The following CFAP299 variants were observed in gnomAD, a reference collection of about 807,000 sequenced individuals.
The protein encoded by CFAP299 is cilia and flagella associated protein 299.
A neutral mutation model predicts 27.0 loss-of-function variants in CFAP299; 21 were observed. The ratio of observed to expected loss-of-function variants is 0.78; its 90% CI spans 0.55 to 1.12. The LOEUF (loss-of-function observed/expected upper bound fraction) is 1.12, where lower values mean the gene tolerates loss of function less well. CFAP299 is among the 50% of genes most tolerant of loss of function. The pLI is 0.00. For missense variants in CFAP299, 310 were observed against 276.6 expected (o/e 1.12, Z -0.86); for synonymous variants, 104 against 98.1 (o/e 1.06, Z -0.36).
chr4:80,578,413 T>C (rs1735985566), intron 2 of CFAP299, among the ~76,000 whole-genome samples: 1 of 152,170 alleles, frequency 6.6e-6, no homozygotes, highest in African/African-American at 2.4e-5. Flanking sequence ...TTATGTAACA[T>C]TTTTTTCTCT....
chr4:80,603,247 T>G (rs1469921477), intron 3 of CFAP299, among the ~76,000 whole-genome samples: 3 of 152,182 alleles, frequency 2.0e-5, no homozygotes, highest in African/African-American at 7.2e-5. Context: ...ATAACATATT[T>G]CTTAACAGAA....
chr4:80,362,812 T>A lies in CFAP299; in HGVS notation c.170T>A (p.Val57Glu). The A allele has an allele frequency of 6.2e-7, 1 of 1,611,628 alleles. No homozygotes were observed. The highest frequency in any genetic ancestry group is 8.5e-7 in the Non-Finnish European group (1 of 1,179,354). Residue 57 changes from valine (V) to glutamate (E), a missense_variant, in exon 2 of 6, where the codon GTG (valine) becomes GAG (glutamate). Val to Glu is a moderately radical substitution (Grantham distance 121, BLOSUM62 -2). Transcript: ENST00000358105. ...ELGYRGTGER[V>E]KREDFEARKA... ...GGCTACCGAGGGACTGGAGAGAGAG[T>A]GAAAAGGGAAGATTTTGAAGCAAGG...
At chr4:80,675,872 T>C (rs1399892100) in intron 3 of CFAP299, among the ~76,000 whole-genome samples, 1 of 152,206 alleles carries the variant, frequency 6.6e-6, no homozygotes, top group East Asian at 1.9e-4. Flanking sequence ...TCTCTTCATG[T>C]GTTGTTTGCT....
chr4:80,612,350 C>T (rs1453628761), intron 3 of CFAP299, among the ~76,000 whole-genome samples: 1 of 151,988 alleles, frequency 6.6e-6, no homozygotes, highest in Non-Finnish European at 1.5e-5. Flanking sequence ...AAAATTATCT[C>T]AAAGCACAAT....
intron 2 of CFAP299, among the ~76,000 whole-genome samples, chr4:80,478,038 C>T (rs1730366691): frequency 6.6e-6 from 1 of 152,142 alleles, no homozygotes; most frequent in Non-Finnish European, 1.5e-5. Flanking sequence ...TCCCGCTGTC[C>T]TAAACTCAAA....
chr4:80,867,176 G>A (rs557164223), intron 3 of CFAP299, among the ~76,000 whole-genome samples: 1 of 152,136 alleles, frequency 6.6e-6, no homozygotes, highest in African/African-American at 2.4e-5. Context: ...TGAATTGTAT[G>A]TTTTTCTATG....
chr4:80,815,039 C>G (rs79515596), intron 3 of CFAP299, among the ~76,000 whole-genome samples: 1 of 152,044 alleles, frequency 6.6e-6, no homozygotes, highest in African/African-American at 2.4e-5. Flanking sequence ...CCAAACCTGT[C>G]AAACATTTGG....
At chr4:80,571,591 T>C (rs778068072) in intron 2 of CFAP299, among the ~76,000 whole-genome samples, 1 of 152,142 alleles carries the variant, frequency 6.6e-6, no homozygotes, top group Non-Finnish European at 1.5e-5. Context: ...TGGACTAAAC[T>C]GTACCCATCC....
chr4:80,486,225 G>A (rs997580200), intron 2 of CFAP299, among the ~76,000 whole-genome samples: 2 of 152,082 alleles, frequency 1.3e-5, no homozygotes, highest in Non-Finnish European at 2.9e-5. Context: ...TTTCTGGAAG[G>A]GCACTAAGTG....
In CFAP299 at chr4:80,883,227, A is replaced by G. The variant is rs1177362363; in HGVS notation, c.476+13092A>G. Among the ~76,000 whole-genome samples, 5 of 152,148 alleles carry G rather than the reference A, an allele frequency of 3.3e-5. No homozygotes were observed. In the East Asian group the frequency reaches 7.7e-4, roughly 23 times the overall value. ...TTAAGTTCTTATCATGTGAAAATGG[A>G]CTGTTATAACTAAAGATGGCATATA... On this transcript the variant is annotated intron_variant, in intron 4 of 5. Coordinates refer to ENST00000358105, the MANE Select transcript of CFAP299 (RefSeq NM_152770.3).
At chr4:80,347,250 T>G (rs1722776529) in intron 1 of CFAP299, among the ~76,000 whole-genome samples, 1 of 152,148 alleles carries the variant, frequency 6.6e-6, no homozygotes, top group African/African-American at 2.4e-5. Context: ...CTTTTCCTAT[T>G]TGAATACCCT....
chr4:80,586,803 C>T (rs975409032), intron 3 of CFAP299, among the ~76,000 whole-genome samples: 2 of 152,048 alleles, frequency 1.3e-5, no homozygotes, highest in East Asian at 1.9e-4. Context: ...ACATGCTGTT[C>T]GGGGTGGGAA....
At chr4:80,814,925 AC>A (rs1729347852) in intron 3 of CFAP299, among the ~76,000 whole-genome samples, 1 of 152,026 alleles carries the variant, frequency 6.6e-6, no homozygotes, top group African/African-American at 2.4e-5. Flanking sequence ...AGGGATATAA[AC>A]CCCAAAACAC....
At chr4:80,494,325 C>T (rs1328019388) in intron 2 of CFAP299, among the ~76,000 whole-genome samples, 1 of 152,234 alleles carries the variant, frequency 6.6e-6, no homozygotes, top group East Asian at 1.9e-4. Context: ...TAGACCAACT[C>T]ACTGTCAAAG....
chr4:80,529,046 T>G (rs1294306499), intron 2 of CFAP299, among the ~76,000 whole-genome samples: 1 of 152,162 alleles, frequency 6.6e-6, no homozygotes, highest in Non-Finnish European at 1.5e-5. Context: ...CCTTCAAAAT[T>G]TCTCCATGTC....
intron 2 of CFAP299, among the ~76,000 whole-genome samples, chr4:80,457,096 T>C (rs867166796): frequency 6.6e-6 from 1 of 151,952 alleles, no homozygotes; most frequent in Non-Finnish European, 1.5e-5. Flanking sequence ...ACAGCACAAG[T>C]AGTTTGCATT....
At chr4:80,559,754 G>A (rs1383317994) in intron 2 of CFAP299, among the ~76,000 whole-genome samples, 3 of 152,148 alleles carry the variant, frequency 2.0e-5, no homozygotes, top group African/African-American at 7.2e-5. Context: ...TTCAGCAGAT[G>A]CCTGCCCATG....
At chr4:80,910,422 T>C (rs1374757294) in intron 4 of CFAP299, among the ~76,000 whole-genome samples, 2 of 152,128 alleles carry the variant, frequency 1.3e-5, no homozygotes, top group Non-Finnish European at 2.9e-5. Context: ...GGAATTAACC[T>C]AAATGTCTAT....
At chr4:80,382,299 T>C (rs1724741078) in intron 2 of CFAP299, among the ~76,000 whole-genome samples, 1 of 152,144 alleles carries the variant, frequency 6.6e-6, no homozygotes, top group African/African-American at 2.4e-5. Context: ...AAACTGCTTG[T>C]CAGTCAACAG....
Sources: gnomAD v4.1 joint callset for allele counts (sites outside exome capture counted in the v4.1 genomes callset) on GRCh38, gnomAD v4.1.1 for gene constraint, MANE v1.5 for transcripts, NCBI Gene and HGNC (gene_info 2026-07-23, HGNC 2026-07-21) for gene names.